Variants in LRRC63 observed in about 807,000 individuals in gnomAD.
LRRC63 encodes the protein leucine-rich repeat-containing protein 63.
LRRC63 carries 40 observed loss-of-function variants against 49.5 expected under a neutral mutation model. The ratio of observed to expected loss-of-function variants is 0.81; its 90% CI spans 0.63 to 1.05. The LOEUF is 1.05. Among genes scored for constraint, LRRC63 ranks in the 50% least tolerant of loss-of-function variants. LRRC63 has a pLI of 0.00. For missense variants in LRRC63, 636 were observed against 663.1 expected, an observed-to-expected ratio of 0.96 and a Z score of 0.45; for synonymous variants, 191 against 221.1, an observed-to-expected ratio of 0.86 and a Z score of 1.21.
intron 7 of LRRC63, among the ~76,000 whole-genome samples, chr13:46,255,645 AATAT>A (rs142798828): frequency 4.6e-5 from 6 of 129,420 alleles, no homozygotes; most frequent in East Asian, 2.5e-4. Flanking sequence ...CCCTGCCTCA[AATAT>A]ATATATATAT....
At chr13:46,230,847 A>G (rs1459538337) in intron 4 of LRRC63, among the ~76,000 whole-genome samples, 1 of 152,220 alleles carries the variant, frequency 6.6e-6, no homozygotes, top group Non-Finnish European at 1.5e-5. Context: ...ACATCTGAGC[A>G]TAGGCTGTTA....
intron 1 of LRRC63, among the ~76,000 whole-genome samples, 190 bp from the exon 2 acceptor site, chr13:46,212,812 G>C (rs2046132561): frequency 6.6e-6 from 1 of 151,620 alleles, no homozygotes; most frequent in Admixed American, 6.6e-5. Flanking sequence ...CATTTTAACT[G>C]GATTCTTTCT....
At chr13:46,232,810 C>T (rs183115513) in intron 4 of LRRC63, among the ~76,000 whole-genome samples, 4 of 152,030 alleles carry the variant, frequency 2.6e-5, no homozygotes. Context: ...ATATTTGATT[C>T]AGATATTAGA....
intron 9 of LRRC63, among the ~76,000 whole-genome samples, chr13:46,267,339 C>T (rs1386346621): frequency 6.6e-6 from 1 of 152,200 alleles, no homozygotes; most frequent in African/African-American, 2.4e-5. Context: ...ACTGTGATGT[C>T]ATGGAGACCA....
At chr13:46,259,258 T>G (rs1420313273) in intron 7 of LRRC63, among the ~76,000 whole-genome samples, 3 of 152,042 alleles carry the variant, frequency 2.0e-5, no homozygotes, top group Non-Finnish European at 4.4e-5. Flanking sequence ...AAAATCCAAA[T>G]GTTTTTTTTT....
At chr13:46,276,854 A>ATATATATATATATT (rs1555330628) in exon 10 of LRRC63, 2,837 of 117,486 alleles carry the variant, frequency 0.024, 66 homozygotes, top group Middle Eastern at 0.045. Flanking sequence ...ATATATATTT[A>ATATATATATATATT]TATATATATA....
chr13:46,259,499 A>T (rs1178851218), intron 7 of LRRC63, among the ~76,000 whole-genome samples: 1 of 152,248 alleles, frequency 6.6e-6, no homozygotes, highest in Non-Finnish European at 1.5e-5. Flanking sequence ...TGTTTGACTC[A>T]ATTTACTTTA....
At chr13:46,249,030 C>T (rs2047299122) in intron 6 of LRRC63, among the ~76,000 whole-genome samples, 3 of 151,608 alleles carry the variant, frequency 2.0e-5, no homozygotes, top group Admixed American at 6.6e-5. Context: ...GCAACATACT[C>T]CTAAATAACC....
chr13:46,244,391 C>G (rs957216930), intron 5 of LRRC63, among the ~76,000 whole-genome samples: 2 of 152,024 alleles, frequency 1.3e-5, no homozygotes, highest in Admixed American at 6.5e-5. Flanking sequence ...TTTTTAACAA[C>G]ACTAAGGAGA....
chr13:46,227,291 T>C (rs1272442497), intron 2 of LRRC63, among the ~76,000 whole-genome samples: 10 of 152,170 alleles, frequency 6.6e-5, no homozygotes, highest in Non-Finnish European at 8.8e-5. Flanking sequence ...TCTACCCTTT[T>C]AAAATCTAAT....
intron 2 of LRRC63, among the ~76,000 whole-genome samples, chr13:46,220,209 C>G (rs528369555): frequency 6.6e-6 from 1 of 152,174 alleles, no homozygotes; most frequent in Non-Finnish European, 1.5e-5. Flanking sequence ...CACCCATGGC[C>G]GCCTCTTCCC....
At chr13:46,225,102 A>G (rs1594019347) in intron 2 of LRRC63, among the ~76,000 whole-genome samples, 1 of 152,246 alleles carries the variant, frequency 6.6e-6, no homozygotes, top group Non-Finnish European at 1.5e-5. Context: ...CTGGGAAACA[A>G]TTGTGCTATG....
intron 2 of LRRC63, among the ~76,000 whole-genome samples, chr13:46,214,967 A>G (rs752394913): frequency 2.6e-5 from 4 of 152,216 alleles, no homozygotes; most frequent in Non-Finnish European, 5.9e-5. Context: ...GCTGCATAGT[A>G]TTCCATGATG....
At chr13:46,219,116 T>A (rs1381405366) in intron 2 of LRRC63, among the ~76,000 whole-genome samples, 1 of 152,186 alleles carries the variant, frequency 6.6e-6, no homozygotes, top group African/African-American at 2.4e-5. Context: ...TTTGTTGTGT[T>A]CCCTGTATTT....
At chr13:46,225,957 T>C (rs1360059282) in intron 2 of LRRC63, among the ~76,000 whole-genome samples, 2 of 151,916 alleles carry the variant, frequency 1.3e-5, no homozygotes, top group East Asian at 3.9e-4. Flanking sequence ...CCTATTTTTT[T>C]ACTCTCTTTT....
intron 4 of LRRC63, among the ~76,000 whole-genome samples, chr13:46,229,707 C>T (rs542357751): frequency 2.4e-4 from 37 of 152,246 alleles, no homozygotes; most frequent in African/African-American, 8.2e-4. Flanking sequence ...ATCACTTTAG[C>T]CCAGGAGTTC....
intron 2 of LRRC63, among the ~76,000 whole-genome samples, chr13:46,214,903 T>G (rs1230448): frequency 0.48 from 73,299 of 151,960 alleles, 19,243 homozygotes; most frequent in African/African-American, 0.67. Flanking sequence ...GAGGATGATG[T>G]CTTTCAGCTT....
chr13:46,228,655 AT>A lies in LRRC63; in HGVS notation c.764-5del. The A allele has an allele frequency of 6.6e-7, 1 of 1,521,444 alleles. No homozygotes were observed. Among genetic ancestry groups the A allele is most frequent in the African/African-American group, 1.4e-5 (1 of 72,332 alleles). 94.2% of individuals were successfully genotyped at this position (1,521,444 alleles called of 1,614,324 possible). A position where few individuals can be genotyped will look rare whatever the true frequency, so the allele number is the denominator to read the frequency against. On this transcript the variant is annotated splice_polypyrimidine_tract_variant and intron_variant, in intron 3 of 9. Transcript: ENST00000595396. ...TCCAAAGTCATCCCATTTGTTTTTC[AT>A]TTTTCTAGAAACTCTTGTAACAGAA...
chr13:46,225,138 G>A (rs1311875846), intron 2 of LRRC63, among the ~76,000 whole-genome samples: 1 of 152,238 alleles, frequency 6.6e-6, no homozygotes, highest in African/African-American at 2.4e-5. Flanking sequence ...GGTGGTGAAT[G>A]ACCCTCTGGG....
Sources: gnomAD v4.1 joint callset for allele counts (sites outside exome capture counted in the v4.1 genomes callset) on GRCh38, gnomAD v4.1.1 for gene constraint, MANE v1.5 for transcripts, NCBI Gene and HGNC (gene_info 2026-07-23, HGNC 2026-07-21) for gene names.